Variants in DLC1 observed in about 807,000 individuals in gnomAD.
The protein encoded by DLC1 is DLC1 Rho GTPase activating protein.
In DLC1, 54 loss-of-function variants were observed where a neutral mutation model predicts 140.3. The ratio of observed to expected loss-of-function variants is 0.38; its 90% CI spans 0.31 to 0.48. DLC1 has a LOEUF of 0.48. Ranked by LOEUF, DLC1 falls within the 20% of genes least tolerant of loss-of-function variation. The pLI is 0.96. For synonymous variants in DLC1, 986 were observed against 728.1 expected (o/e 1.35, Z -5.70); for missense variants, 2,536 against 1,907.0 (o/e 1.33, Z -6.14).
In DLC1 at chr8:13,094,991, TTCACGTGGACGCA is replaced by T. The variant is rs750868437; in HGVS notation, c.3328-47_3328-35del. On this transcript the variant is annotated intron_variant, in intron 11 of 17. Coordinates refer to ENST00000276297, the MANE Select transcript of DLC1 (RefSeq NM_182643.3). Reference sequence around the variant, plus strand: ...AGAGCAACACTAAGTGTGGGGTACATTCACGTGGACGCAGTGTTTACACCACACAACTAGAAGA... The same window carrying T: ...AGAGCAACACTAAGTGTGGGGTACATGTGTTTACACCACACAACTAGAAGA... 3.1e-6 allele frequency: 5 copies of T among 1,613,926 alleles called. No individual in the cohort carries two copies. In the East Asian group the frequency reaches 1.1e-4, roughly 36 times the overall value.
At chr8:13,563,904 C>T (rs1240255944) in intron 1 of DLC1, among the ~76,000 whole-genome samples, 7 of 151,900 alleles carry the variant, frequency 4.6e-5, no homozygotes, top group African/African-American at 1.7e-4. Context: ...TTATTACTAA[C>T]TGGAAAAAAT....
chr8:13,373,989 G>C (rs1159749893), intron 4 of DLC1, among the ~76,000 whole-genome samples: 2 of 152,202 alleles, frequency 1.3e-5, no homozygotes, highest in Non-Finnish European at 2.9e-5. Flanking sequence ...ATCTAAGTTT[G>C]ATTGTTTTCC....
chr8:13,567,158 A>T (rs1168470619), intron 1 of DLC1: 3 of 1,551,666 alleles, frequency 1.9e-6, no homozygotes, highest in Non-Finnish European at 2.6e-6. Flanking sequence ...AGCAAACTGG[A>T]GAGGGAAAAG....
intron 2 of DLC1, among the ~76,000 whole-genome samples, chr8:13,441,885 C>T (rs994959597): frequency 4.6e-5 from 7 of 152,170 alleles, no homozygotes; most frequent in African/African-American, 1.7e-4. Flanking sequence ...AAAAAAGGGC[C>T]TGCATTGCCA....
chr8:13,329,636 C>A (rs985793690), intron 4 of DLC1, among the ~76,000 whole-genome samples: 1 of 152,132 alleles, frequency 6.6e-6, no homozygotes, highest in African/African-American at 2.4e-5. Flanking sequence ...CTCATCTGTT[C>A]TATGATTAGG....
chr8:13,246,385 G>T (rs1385384034), intron 5 of DLC1, among the ~76,000 whole-genome samples: 1 of 152,186 alleles, frequency 6.6e-6, no homozygotes, highest in Non-Finnish European at 1.5e-5. Flanking sequence ...TAGGCATTAA[G>T]GTGTCAATGA....
chr8:13,564,951 T>C (rs985691408), intron 1 of DLC1, among the ~76,000 whole-genome samples: 1 of 152,174 alleles, frequency 6.6e-6, no homozygotes, highest in South Asian at 2.1e-4. Context: ...ACAAAGCATT[T>C]TGACATTCCC....
At chr8:13,142,765 G>C (rs934904765) in intron 5 of DLC1, among the ~76,000 whole-genome samples, 10 of 152,142 alleles carry the variant, frequency 6.6e-5, no homozygotes, top group African/African-American at 2.2e-4. Flanking sequence ...AGTAAAACTG[G>C]CATGCCAGGC....
chr8:13,565,843 A>G (rs1375809281), intron 1 of DLC1, among the ~76,000 whole-genome samples: 2 of 152,178 alleles, frequency 1.3e-5, no homozygotes, highest in Non-Finnish European at 2.9e-5. Flanking sequence ...TTCTCACGAT[A>G]ATTAATAAAA....
At chr8:13,573,119 C>T (rs537878517) in intron 1 of DLC1, among the ~76,000 whole-genome samples, 8 of 152,102 alleles carry the variant, frequency 5.3e-5, no homozygotes, top group African/African-American at 9.7e-5. Context: ...GATGTCTTTA[C>T]GTCTTTTAAA....
At chr8:13,492,127 G>T (rs1287289062) in intron 2 of DLC1, among the ~76,000 whole-genome samples, 1 of 152,094 alleles carries the variant, frequency 6.6e-6, no homozygotes, top group Non-Finnish European at 1.5e-5. Flanking sequence ...GAAAACTGGG[G>T]AAATTAAACA....
intron 4 of DLC1, among the ~76,000 whole-genome samples, chr8:13,326,787 C>T (rs1461050722): frequency 6.6e-6 from 1 of 152,152 alleles, no homozygotes; most frequent in Non-Finnish European, 1.5e-5. Context: ...ATATTTTCTT[C>T]AGGTTCTCAG....
rs146790557 is a variant in DLC1, at chr8:13,215,446, C to T, written c.1348+89823G>A. ...ACTAAAAATACAAAAATTAGCTGGG[C>T]GTGGTGGGGCACGTCTATAGTCACA... On this transcript the variant is annotated intron_variant, in intron 5 of 17. Transcript: ENST00000276297. 3.8e-3 allele frequency among the ~76,000 whole-genome samples: 584 copies of T among 152,070 alleles called. 10 individuals are homozygous for T. Among genetic ancestry groups the T allele is most frequent in the East Asian group, 4.1e-3 (21 of 5,138 alleles).
intron 5 of DLC1, among the ~76,000 whole-genome samples, chr8:13,185,122 C>CTGTT (rs1385667383): frequency 2.4e-5 from 2 of 84,558 alleles, no homozygotes; most frequent in African/African-American, 1.0e-4. Flanking sequence ...GCAACCCCTG[C>CTGTT]TTTTTTTTTT....
intron 3 of DLC1, among the ~76,000 whole-genome samples, chr8:13,394,068 T>C (rs528585903): frequency 6.6e-6 from 1 of 152,316 alleles, no homozygotes; most frequent in South Asian, 2.1e-4. Flanking sequence ...CCTCTGACTA[T>C]ACAGCGCTGC....
rs1386835496 is a variant in DLC1 at position 13,383,689 on chromosome 8, C to T, written c.1314+9864G>A. 5.9e-5 allele frequency among the ~76,000 whole-genome samples: 9 copies of T among 152,186 alleles called. No individual in the cohort carries two copies. In the East Asian group the frequency reaches 1.7e-3, roughly 29 times the overall value. On this transcript the variant is annotated intron_variant, in intron 4 of 17. Coordinates refer to ENST00000276297, the MANE Select transcript of DLC1 (RefSeq NM_182643.3). ...CAGTACAGAAGATAAGACAGTTTGA[C>T]TTCCTTGATTTCTTTCACTTGCATC...
chr8:13,153,422 G>T (rs1371554208), intron 5 of DLC1, among the ~76,000 whole-genome samples: 2 of 152,178 alleles, frequency 1.3e-5, no homozygotes, highest in African/African-American at 4.8e-5. Flanking sequence ...ACGCAGTGTG[G>T]ACCCAAAGAG....
At chr8:13,399,275 T>C (rs922589041) in intron 3 of DLC1, among the ~76,000 whole-genome samples, 1 of 152,168 alleles carries the variant, frequency 6.6e-6, no homozygotes, top group Non-Finnish European at 1.5e-5. Context: ...ACTTATCTCA[T>C]TGTAAAGAAA....
In DLC1 at chr8:13,588,753, G is replaced by A. The variant is rs550743604; in HGVS notation, c.-126+15784C>T. The stretch of plus-strand genomic sequence containing the variant: ...TGTCTTCTCAAAGACTAAAGATATA[G>A]GCTTGGGATGCATGGTTAAGTGATA... On this transcript the variant is annotated intron_variant, in intron 1 of 1. Transcript: ENST00000631382. Among the ~76,000 whole-genome samples the A allele has an allele frequency of 9.2e-4, 140 of 152,114 alleles. 2 individuals carry two copies. The highest frequency in any genetic ancestry group is 3.3e-3 in the African/African-American group (136 of 41,516).
Sources: allele counts gnomAD v4.1 joint callset (sites outside exome capture counted in the v4.1 genomes callset), GRCh38; gene constraint gnomAD v4.1.1; transcripts MANE v1.5; gene names NCBI Gene and HGNC (gene_info 2026-07-23, HGNC 2026-07-21).